The following FOXJ3 variants were observed in gnomAD, a reference collection of about 807,000 sequenced individuals.
FOXJ3 encodes forkhead box J3.
In FOXJ3, 22 loss-of-function variants were observed where a neutral mutation model predicts 76.1. The ratio of observed to expected loss-of-function variants is 0.29; its 90% confidence interval spans 0.21 to 0.41. The LOEUF (loss-of-function observed/expected upper bound fraction) is 0.41, where lower values mean the gene tolerates loss of function less well. Ranked by LOEUF, FOXJ3 falls within the 10% of genes least tolerant of loss-of-function variation. FOXJ3 has a pLI of 1.00. For missense variants in FOXJ3, 613 were observed against 762.1 expected (o/e 0.80, Z 2.30); for synonymous variants, 269 against 261.2 (o/e 1.03, Z -0.29).
intron 4 of FOXJ3, among the ~76,000 whole-genome samples, chr1:42,235,387 C>T (rs896240848): frequency 6.6e-6 from 1 of 152,298 alleles, no homozygotes; most frequent in African/African-American, 2.4e-5. Flanking sequence ...TCGGCTCACG[C>T]TCGGTGCGCT....
rs775178723 is a variant in FOXJ3 at position 42,278,570 on chromosome 1, A to G, written c.147T>C (p.His49=). ...IQKSDATQNA[H]GTGISKKNAL... ...CATTCTTCTTAGAAATTCCTGTTCC[A>G]TGTGCATTTTGTGTAGCATCAGATT... is the stretch of plus-strand genomic sequence containing the variant. The change falls in exon 3 of 13, where the codon CAT becomes CAC. Residue 49 remains histidine (H), a synonymous_variant. Coordinates refer to ENST00000361346, the MANE Select transcript of FOXJ3 (RefSeq NM_014947.5). 3.1e-6 allele frequency: 5 copies of G among 1,614,132 alleles called. No individual in the cohort carries two copies. Among genetic ancestry groups the G allele is most frequent in the Non-Finnish European group, 4.2e-6 (5 of 1,180,016 alleles).
intron 1 of FOXJ3, among the ~76,000 whole-genome samples, chr1:42,326,161 G>C (rs1361780751): frequency 2.0e-5 from 3 of 152,102 alleles, no homozygotes; most frequent in Non-Finnish European, 4.4e-5. Flanking sequence ...TGAGGCAGGA[G>C]AATCACTTGA....
chr1:42,222,762 T>C (rs1411297886), intron 5 of FOXJ3, among the ~76,000 whole-genome samples: 1 of 152,204 alleles, frequency 6.6e-6, no homozygotes, highest in Non-Finnish European at 1.5e-5. Context: ...AATCAGAACA[T>C]AAACTTCATG....
At chr1:42,277,956 G>A (rs984199273) in intron 3 of FOXJ3, among the ~76,000 whole-genome samples, 4 of 142,522 alleles carry the variant, frequency 2.8e-5, no homozygotes, top group African/African-American at 5.3e-5. Flanking sequence ...CAGCCTAGGC[G>A]TCAGAGCGAG....
chr1:42,289,716 T>C (rs1653294182), intron 2 of FOXJ3, among the ~76,000 whole-genome samples: 1 of 152,154 alleles, frequency 6.6e-6, no homozygotes. Flanking sequence ...CACAAGCTAT[T>C]TAACAATATA....
intron 1 of FOXJ3, among the ~76,000 whole-genome samples, chr1:42,324,647 C>T (rs759127446): frequency 1.3e-5 from 2 of 152,026 alleles, no homozygotes; most frequent in Non-Finnish European, 2.9e-5. Flanking sequence ...CAGCCTATTG[C>T]TTCTAGGCTA....
chr1:42,200,058 CAT>C (rs1646731994), intron 6 of FOXJ3, among the ~76,000 whole-genome samples: 1 of 117,144 alleles, frequency 8.5e-6, no homozygotes, highest in African/African-American at 3.1e-5. Flanking sequence ...AAAAATAATA[CAT>C]ATTATCACGA....
chr1:42,243,681 C>T (rs534447466), intron 4 of FOXJ3, among the ~76,000 whole-genome samples: 1 of 152,158 alleles, frequency 6.6e-6, no homozygotes, highest in Admixed American at 6.5e-5. Flanking sequence ...AGACAGTCAT[C>T]ATATAATAAT....
In FOXJ3 at chr1:42,244,719, A is replaced by G. The variant is rs546540906; in HGVS notation, c.445-16753T>C. Reference sequence around the variant, plus strand: ...AAAAAAAGAAGATGTAACAACTGACATCACAGAAATACAGATCATCAGACT... The same window carrying G: ...AAAAAAAGAAGATGTAACAACTGACGTCACAGAAATACAGATCATCAGACT... On this transcript the variant is annotated intron_variant, in intron 4 of 12. Coordinates refer to ENST00000361346, the MANE Select transcript of FOXJ3 (RefSeq NM_014947.5). Among the ~76,000 whole-genome samples the G allele has an allele frequency of 1.7e-4, 26 of 152,324 alleles. 1 individual carries two copies. Among genetic ancestry groups the G allele is most frequent in the Admixed American group, 7.2e-4 (11 of 15,306 alleles).
At chr1:42,230,667 G>A (rs2124470729) in intron 4 of FOXJ3, among the ~76,000 whole-genome samples, 1 of 152,268 alleles carries the variant, frequency 6.6e-6, no homozygotes, top group Non-Finnish European at 1.5e-5. Flanking sequence ...GGATTTTATA[G>A]CATTTGTATT....
intron 2 of FOXJ3, among the ~76,000 whole-genome samples, chr1:42,282,008 G>A (rs932371544): frequency 1.8e-4 from 28 of 151,480 alleles, no homozygotes; most frequent in Non-Finnish European, 3.2e-4. Context: ...GCAGTGAGCC[G>A]AGGTTGCACC....
intron 2 of FOXJ3, among the ~76,000 whole-genome samples, chr1:42,292,714 T>C (rs866901042): frequency 1.3e-5 from 2 of 152,160 alleles, no homozygotes; most frequent in Non-Finnish European, 2.9e-5. Context: ...GTTCACCACA[T>C]TGATGTGGTG....
At chr1:42,257,783 G>A (rs1445677254) in intron 4 of FOXJ3, among the ~76,000 whole-genome samples, 2 of 150,036 alleles carry the variant, frequency 1.3e-5, no homozygotes, top group African/African-American at 4.9e-5. Context: ...AAATGAAGAT[G>A]TGTCAAAGAT....
At chr1:42,334,141 T>C in intron 1 of FOXJ3, 4 of 981,842 alleles carry the variant, frequency 4.1e-6, no homozygotes, top group Non-Finnish European at 4.8e-6. Flanking sequence ...TACACCTGAA[T>C]GCATCGGTAG....
intron 3 of FOXJ3, among the ~76,000 whole-genome samples, chr1:42,275,468 G>C (rs1652191074): frequency 6.6e-6 from 1 of 152,122 alleles, no homozygotes; most frequent in Non-Finnish European, 1.5e-5. Flanking sequence ...AGCAGAGGCA[G>C]GCAGATCACT....
At chr1:42,306,842 A>C (rs1421874997) in intron 2 of FOXJ3, among the ~76,000 whole-genome samples, 1 of 152,232 alleles carries the variant, frequency 6.6e-6, no homozygotes, top group East Asian at 1.9e-4. Context: ...CATAAATACT[A>C]GCTGTAAAAC....
chr1:42,326,547 TC>T (rs1157191705), intron 1 of FOXJ3, among the ~76,000 whole-genome samples: 1 of 152,168 alleles, frequency 6.6e-6, no homozygotes, highest in African/African-American at 2.4e-5. Context: ...GGAATCATGT[TC>T]CAGGGATACT....
chr1:42,294,564 G>C (rs1653655968), intron 2 of FOXJ3, among the ~76,000 whole-genome samples: 1 of 152,100 alleles, frequency 6.6e-6, no homozygotes, highest in Non-Finnish European at 1.5e-5. Flanking sequence ...TTCGAGACCA[G>C]CCTGGCCAAC....
intron 2 of FOXJ3, among the ~76,000 whole-genome samples, chr1:42,303,654 G>T (rs1654292492): frequency 6.6e-6 from 1 of 152,168 alleles, no homozygotes; most frequent in African/African-American, 2.4e-5. Flanking sequence ...CTTTAAGGAA[G>T]AAGCGTTAAC....
Sources: gnomAD v4.1 joint callset for allele counts (sites outside exome capture counted in the v4.1 genomes callset) on GRCh38, gnomAD v4.1.1 for gene constraint, MANE v1.5 for transcripts, NCBI Gene and HGNC (gene_info 2026-07-23, HGNC 2026-07-21) for gene names.